Variants in EPHA6 observed in about 807,000 individuals in gnomAD.
The protein encoded by EPHA6 is ephrin type-A receptor 6.
In EPHA6, 50 loss-of-function variants were observed where a neutral mutation model predicts 112.0. The observed-to-expected ratio is 0.45, with a 90% CI of 0.36 to 0.56. The LOEUF (loss-of-function observed/expected upper bound fraction) is 0.56. Among genes scored for constraint, EPHA6 ranks in the 20% least tolerant of loss-of-function variants. The pLI, the probability that EPHA6 is intolerant of heterozygous loss-of-function variation, is 0.00. For missense variants in EPHA6, 1,280 were observed against 1,417.4 expected (o/e 0.90, Z 1.56); for synonymous variants, 529 against 490.7 (o/e 1.08, Z -1.03).
intron 3 of EPHA6, among the ~76,000 whole-genome samples, chr3:97,003,208 A>G (rs1465117567): frequency 1.3e-5 from 2 of 152,148 alleles, no homozygotes; most frequent in East Asian, 3.9e-4. Context: ...CCTGGGTTCA[A>G]GAGATTCTGC....
chr3:97,694,297 C>T (rs1007251074), intron 14 of EPHA6, among the ~76,000 whole-genome samples: 1 of 151,224 alleles, frequency 6.6e-6, no homozygotes, highest in Admixed American at 6.6e-5. Flanking sequence ...AATGCAATGG[C>T]GTGATCTCGG....
intron 3 of EPHA6, among the ~76,000 whole-genome samples, chr3:97,044,590 G>A (rs1406765498): frequency 6.6e-6 from 1 of 151,628 alleles, no homozygotes; most frequent in Non-Finnish European, 1.5e-5. Flanking sequence ...CTAACATAAA[G>A]ATACCCATCA....
chr3:97,564,270 A>T (rs961885500), intron 11 of EPHA6, among the ~76,000 whole-genome samples: 4 of 152,264 alleles, frequency 2.6e-5, no homozygotes, highest in East Asian at 3.9e-4. Flanking sequence ...GTACAAAAAA[A>T]GTTTACCTTT....
rs150247670 is a variant in EPHA6 at position 96,939,778 on chromosome 3, G to A, written c.451-47552G>A. Among the ~76,000 whole-genome samples, 1,014 of 152,206 alleles carry A rather than the reference G, an allele frequency of 6.7e-3. 8 individuals carry two copies. Among genetic ancestry groups the A allele is most frequent in the African/African-American group, 0.022 (911 of 41,520 alleles). ...TCCCTCTACACATTGCTTTGAATGC[G>A]TCCCAGAGATTCTGGTATGTTGTGT... On this transcript the variant is annotated intron_variant, in intron 2 of 17. Transcript: ENST00000389672.
At chr3:97,585,167 T>C (rs979426168) in intron 11 of EPHA6, among the ~76,000 whole-genome samples, 1 of 152,174 alleles carries the variant, frequency 6.6e-6, no homozygotes, top group Admixed American at 6.6e-5. Context: ...ATAAAAATTA[T>C]GTAAATAGAC....
chr3:97,376,670 T>A (rs1207807790), intron 5 of EPHA6, among the ~76,000 whole-genome samples: 1 of 152,242 alleles, frequency 6.6e-6, no homozygotes, highest in African/African-American at 2.4e-5. Flanking sequence ...CACTGGTGGG[T>A]GCTGCTTCAA....
intron 3 of EPHA6, among the ~76,000 whole-genome samples, chr3:97,149,412 G>T (rs2076117046): frequency 6.6e-6 from 1 of 152,056 alleles, no homozygotes; most frequent in Admixed American, 6.6e-5. Context: ...TGCCTTTCAT[G>T]CTGTTGCAGC....
At chr3:97,257,448 G>C (rs556827827) in intron 5 of EPHA6, among the ~76,000 whole-genome samples, 1 of 152,114 alleles carries the variant, frequency 6.6e-6, no homozygotes, top group South Asian at 2.1e-4. Context: ...CTTCACTCTT[G>C]CTGCAAATCA....
At chr3:96,889,396 G>T (rs2037824788) in intron 2 of EPHA6, among the ~76,000 whole-genome samples, 2 of 152,180 alleles carry the variant, frequency 1.3e-5, no homozygotes, top group Admixed American at 1.3e-4. Flanking sequence ...AGAAAAAGAG[G>T]TTTATTGGAG....
intron 2 of EPHA6, among the ~76,000 whole-genome samples, chr3:96,986,719 C>G (rs551634055): frequency 6.6e-6 from 1 of 152,194 alleles, no homozygotes; most frequent in Non-Finnish European, 1.5e-5. Context: ...AGTTTTTGTT[C>G]AGCTTGTTAA....
At chr3:97,042,422 A>G (rs1469202380) in intron 3 of EPHA6, among the ~76,000 whole-genome samples, 3 of 152,206 alleles carry the variant, frequency 2.0e-5, no homozygotes, top group South Asian at 4.1e-4. Context: ...CTGTTAGCCA[A>G]TTAAATTTAT....
chr3:97,283,134 A>T (rs2080343748), intron 5 of EPHA6, among the ~76,000 whole-genome samples: 1 of 152,164 alleles, frequency 6.6e-6, no homozygotes. Flanking sequence ...GCTTTGTTAG[A>T]TTTTTTGCAT....
At chr3:97,669,965 T>A (rs143971865) in intron 14 of EPHA6, among the ~76,000 whole-genome samples, 2 of 152,272 alleles carry the variant, frequency 1.3e-5, no homozygotes, top group East Asian at 3.9e-4. Flanking sequence ...AAATCACTCA[T>A]CTTTTGCAAC....
chr3:97,125,780 A>G (rs2048166644), intron 3 of EPHA6, among the ~76,000 whole-genome samples: 1 of 152,214 alleles, frequency 6.6e-6, no homozygotes, highest in South Asian at 2.1e-4. Flanking sequence ...GTTGCTGACT[A>G]AATAGCCCAG....
intron 2 of EPHA6, among the ~76,000 whole-genome samples, chr3:96,914,110 C>T (rs2039371251): frequency 6.6e-6 from 1 of 152,084 alleles, no homozygotes; most frequent in Admixed American, 6.6e-5. Flanking sequence ...TGCATTTCAA[C>T]TTTCAAATTA....
intron 5 of EPHA6, among the ~76,000 whole-genome samples, chr3:97,362,754 A>G (rs1001671736): frequency 7.2e-5 from 11 of 152,016 alleles, no homozygotes; most frequent in Non-Finnish European, 1.5e-4. Context: ...CTATTGAAGT[A>G]TGCAAACTAC....
intron 6 of EPHA6, among the ~76,000 whole-genome samples, chr3:97,442,615 C>T (rs79648648): frequency 0.047 from 7,096 of 152,084 alleles, 500 homozygotes; most frequent in African/African-American, 0.15. Context: ...AGAATATTCA[C>T]GTATTAAATA....
intron 2 of EPHA6, among the ~76,000 whole-genome samples, chr3:96,921,060 T>C (rs950685964): frequency 6.6e-6 from 1 of 152,060 alleles, no homozygotes; most frequent in African/African-American, 2.4e-5. Flanking sequence ...TGTCTTTGTT[T>C]AGACCAATTA....
chr3:96,987,487 G>T lies in EPHA6; in HGVS notation c.608G>T (p.Arg203Met). 1 of 1,613,908 alleles carries T rather than the reference G, an allele frequency of 6.2e-7. No homozygotes were observed. Among genetic ancestry groups the T allele is most frequent in the Non-Finnish European group, 8.5e-7 (1 of 1,179,844 alleles). ...KIYVEMKFTL[R>M]DCNSIPWVLG... is the part of the protein sequence containing the mutation. ...TATGTGGAAATGAAATTCACACTAA[G>T]GGATTGTAACAGCATCCCATGGGTC... is the stretch of plus-strand genomic sequence containing the variant. Residue 203 changes from arginine (R) to methionine (M), a missense_variant, in exon 3 of 18, where the codon AGG (arginine) becomes ATG (methionine). By Grantham distance (91) the Arg-to-Met change is moderately conservative. Around this residue, in one of 4 missense-constraint regions of EPHA6, gnomAD observed 878 missense variants for 999.7 expected, o/e 0.88. Transcript: ENST00000389672.
Sources: allele counts gnomAD v4.1 joint callset (sites outside exome capture counted in the v4.1 genomes callset), GRCh38; gene constraint gnomAD v4.1.1; regional missense constraint gnomAD v4.1.1; transcripts MANE v1.5; gene names NCBI Gene and HGNC (gene_info 2026-07-23, HGNC 2026-07-21).